MAK: variants seen among roughly 807,000 people sequenced by gnomAD.
MAK encodes the protein male germ cell associated kinase, also known as serine/threonine-protein kinase MAK.
A neutral mutation model predicts 82.6 loss-of-function variants in MAK; 65 were observed. That is an observed-to-expected ratio of 0.79 (90% CI 0.64 to 0.97). MAK has a LOEUF of 0.97. MAK is among the 50% of genes least tolerant of loss of function. The probability of loss-of-function intolerance (pLI) is 0.00; values close to 1 mark genes in which losing one functional copy is unlikely to be tolerated. For missense variants in MAK, 703 were observed against 780.2 expected (o/e 0.90, Z 1.18); for synonymous variants, 250 against 274.2 (o/e 0.91, Z 0.87).
intron 8 of MAK, 105 bp from the exon 9 acceptor site, chr6:10,796,414 T>C: frequency 1.1e-6 from 1 of 886,420 alleles, no homozygotes; most frequent in Admixed American, 2.0e-5. Flanking sequence ...TTAGCCCACA[T>C]GAGCTTCAAA....
chr6:10,829,696 G>A (rs1778630888), intron 2 of MAK, among the ~76,000 whole-genome samples: 1 of 152,234 alleles, frequency 6.6e-6, no homozygotes, highest in Admixed American at 6.5e-5. Context: ...GTTTATCAGT[G>A]TAGCTGGACA....
intron 6 of MAK, among the ~76,000 whole-genome samples, chr6:10,808,227 T>C (rs1776649218): frequency 6.6e-6 from 1 of 152,198 alleles, no homozygotes; most frequent in Non-Finnish European, 1.5e-5. Flanking sequence ...TGAAATCATA[T>C]GGTATGTGCT....
chr6:10,834,999 T>A (rs1779061596), intron 1 of MAK, among the ~76,000 whole-genome samples: 1 of 152,164 alleles, frequency 6.6e-6, no homozygotes, highest in African/African-American at 2.4e-5. Flanking sequence ...CAGCACAGAT[T>A]TAATGACAAA....
chr6:10,836,462 T>C (rs1779155504), intron 1 of MAK, among the ~76,000 whole-genome samples: 1 of 152,304 alleles, frequency 6.6e-6, no homozygotes, highest in East Asian at 1.9e-4. Flanking sequence ...GGTAAAGCTT[T>C]TAAAAAATCA....
chr6:10,767,812 CA>C (rs1772602795), intron 14 of MAK, among the ~76,000 whole-genome samples: 1 of 140,874 alleles, frequency 7.1e-6, no homozygotes, highest in African/African-American at 2.5e-5. Context: ...AAAAAAAAAA[CA>C]AAAACAAAAA....
rs1773507093 is a variant in MAK, at chr6:10,776,929, A to G, written c.1466-1470T>C. On this transcript the variant is annotated intron_variant, in intron 11 of 14. Coordinates refer to ENST00000354489, the MANE Select transcript of MAK (RefSeq NM_001242957.3). This position sits in a 1 kb window ranked among gnomAD's most constrained non-coding sequence, Gnocchi z 4.3. ...GTGAAACCCCATCTCTACTAAAAAC[A>G]CAAAAATTAGCCAGGCATGAGACAG... Among the ~76,000 whole-genome samples the G allele has an allele frequency of 6.6e-6, 1 of 151,664 alleles. No homozygotes were observed. The highest frequency in any genetic ancestry group is 2.4e-5 in the African/African-American group (1 of 41,292).
chr6:10,765,711 C>T (rs1016316681), intron 14 of MAK, among the ~76,000 whole-genome samples: 2 of 149,460 alleles, frequency 1.3e-5, no homozygotes, highest in Non-Finnish European at 3.0e-5. Context: ...CCACCCACCT[C>T]AGCCTTGCCA....
chr6:10,831,696 T>A (rs1778819362), intron 1 of MAK, among the ~76,000 whole-genome samples: 1 of 152,068 alleles, frequency 6.6e-6, no homozygotes, highest in Non-Finnish European at 1.5e-5. Flanking sequence ...CAGTGAGCTA[T>A]GATCACACCA....
At chr6:10,792,013 C>T (rs1049551312) in intron 9 of MAK, among the ~76,000 whole-genome samples, 166 bp from the exon 10 acceptor site, 2 of 152,154 alleles carry the variant, frequency 1.3e-5, no homozygotes, top group Non-Finnish European at 2.9e-5. Flanking sequence ...CAAAAATGGG[C>T]GGTACATGCC....
intron 11 of MAK, chr6:10,779,355 T>C: frequency 1.0e-6 from 1 of 985,310 alleles, no homozygotes. Context: ...TGCAGTCCCA[T>C]CGTAAGTTAC....
chr6:10,769,615 A>T (rs913746110), intron 14 of MAK, among the ~76,000 whole-genome samples: 1 of 152,222 alleles, frequency 6.6e-6, no homozygotes, highest in African/African-American at 2.4e-5. Flanking sequence ...TCATAAATAG[A>T]GTGTCAGCAT....
intron 4 of MAK, among the ~76,000 whole-genome samples, chr6:10,814,682 G>A (rs1399558898): frequency 1.3e-5 from 2 of 151,534 alleles, no homozygotes; most frequent in African/African-American, 2.4e-5. Context: ...AAAAAAGCGG[G>A]GGGGAAATAA....
At chr6:10,807,683 A>C (rs1776600376) in intron 6 of MAK, among the ~76,000 whole-genome samples, 1 of 151,962 alleles carries the variant, frequency 6.6e-6, no homozygotes, top group African/African-American at 2.4e-5. Context: ...TAATATTCAC[A>C]CAGGCAGAGG....
At chr6:10,775,008 C>T (rs1773342569) in intron 12 of MAK, among the ~76,000 whole-genome samples, 1 of 152,156 alleles carries the variant, frequency 6.6e-6, no homozygotes, top group Non-Finnish European at 1.5e-5. Flanking sequence ...TATAGAGGCA[C>T]AGTTCCACCA....
chr6:10,813,329 T>G (rs1338160009), intron 5 of MAK, among the ~76,000 whole-genome samples: 3 of 148,572 alleles, frequency 2.0e-5, no homozygotes, highest in Non-Finnish European at 4.5e-5. Context: ...TTGTATTTTT[T>G]TTTAACAGAG....
intron 13 of MAK, among the ~76,000 whole-genome samples, chr6:10,772,078 C>T (rs1561931338): frequency 6.6e-6 from 1 of 152,192 alleles, no homozygotes; most frequent in Admixed American, 6.5e-5. Context: ...TCCCAAACCA[C>T]AAAAGCTGGT....
At chr6:10,827,114 CA>C (rs1452604162) in intron 2 of MAK, among the ~76,000 whole-genome samples, 1 of 151,936 alleles carries the variant, frequency 6.6e-6, no homozygotes, top group Non-Finnish European at 1.5e-5. Flanking sequence ...CATCTCAAAA[CA>C]AAACAAAACA....
At chr6:10,765,307 T>C (rs561416217) in intron 14 of MAK, among the ~76,000 whole-genome samples, 3 of 152,266 alleles carry the variant, frequency 2.0e-5, no homozygotes, top group South Asian at 2.1e-4. Context: ...CTAAATAATA[T>C]TGACACAATA....
chr6:10,829,784 C>G (rs537076735), intron 2 of MAK, among the ~76,000 whole-genome samples: 1 of 152,252 alleles, frequency 6.6e-6, no homozygotes, highest in East Asian at 1.9e-4. Flanking sequence ...GAATGACATT[C>G]CACATGAGCC....
Sources: allele counts gnomAD v4.1 joint callset (sites outside exome capture counted in the v4.1 genomes callset), GRCh38; gene constraint gnomAD v4.1.1; non-coding constraint Gnocchi (gnomAD v3.1); transcripts MANE v1.5; gene names NCBI Gene and HGNC (gene_info 2026-07-23, HGNC 2026-07-21).